The following CES5A variants were observed in gnomAD, a reference collection of about 807,000 sequenced individuals.
CES5A encodes the protein carboxylesterase 5A, also known as carboxylesterase 5.
CES5A carries 67 observed loss-of-function variants against 62.9 expected under a neutral mutation model. The ratio of observed to expected loss-of-function variants is 1.07; its 90% CI spans 0.88 to 1.31. CES5A has a LOEUF of 1.31. Ranked by LOEUF, CES5A falls within the 50% of genes most tolerant of loss-of-function variation. The pLI is 0.00. For missense variants in CES5A, 748 were observed against 708.5 expected (o/e 1.06, Z -0.63); for synonymous variants, 296 against 280.8 (o/e 1.05, Z -0.54).
At chr16:55,876,799 T>C (rs1258339452), upstream of CES5A, among the ~76,000 whole-genome samples, 1 of 152,164 alleles carries the variant, frequency 6.6e-6, no homozygotes, top group African/African-American at 2.4e-5. Flanking sequence ...TTGAAATTGA[T>C]CCAGACATCA....
intron 1 of CES5A, among the ~76,000 whole-genome samples, chr16:55,881,076 A>G (rs901990672): frequency 3.3e-5 from 5 of 152,308 alleles, no homozygotes; most frequent in African/African-American, 1.2e-4. Context: ...TTTGAGAACT[A>G]TGAATACCTG....
intron 1 of CES5A, among the ~76,000 whole-genome samples, chr16:55,920,161 C>A (rs1229123544): frequency 2.6e-5 from 4 of 152,174 alleles, no homozygotes; most frequent in African/African-American, 4.8e-5. Context: ...TCCGAGAAGG[C>A]AGTAAAAGAA....
intron 1 of CES5A, among the ~76,000 whole-genome samples, 191 bp downstream of exon 1, chr16:55,874,958 C>T (rs72810510): frequency 0.011 from 1,690 of 152,302 alleles, 16 homozygotes; most frequent in Middle Eastern, 0.024. Context: ...ATCTTCTGTG[C>T]GCTACCCACT....
chr16:55,859,598 A>G lies in CES5A; in HGVS notation c.1005T>C (p.Ile335=). 6.2e-7 allele frequency: 1 copy of G among 1,613,910 alleles called. No homozygotes were observed. The highest frequency in any genetic ancestry group is 1.1e-5 in the South Asian group (1 of 90,994). Residue 335 remains isoleucine, a synonymous_variant, in exon 8 of 13, where the codon ATT becomes ATC. Coordinates refer to ENST00000290567, the MANE Select transcript of CES5A (RefSeq NM_001143685.2). ...GGTTATTGACTCCGATGATGGAAGG[A>G]ATTGCTTTAAATGCTTTCTGAGACA... ...DLLSQKAFKA[I]PSIIGVNNHE...
At chr16:55,863,530 C>A in intron 5 of CES5A, 78 bp from the exon 6 acceptor site, 1 of 810,800 alleles carries the variant, frequency 1.2e-6, no homozygotes, top group Non-Finnish European at 2.2e-6. Flanking sequence ...TTCAAAGAAA[C>A]CTTCCCAGGA....
At chr16:55,949,753 C>T (rs1256976751) in intron 2 of CES5A, 1 of 1,176,214 alleles carries the variant, frequency 8.5e-7, no homozygotes, top group East Asian at 2.7e-5. Context: ...GGGGCAGACC[C>T]AACCCTGGTA....
chr16:55,846,782 G>T lies in CES5A; in HGVS notation c.1482C>A (p.Thr494=), dbSNP rs1406964245. 1 of 1,614,140 alleles carries T rather than the reference G, an allele frequency of 6.2e-7. No homozygotes were observed. Among genetic ancestry groups the T allele is most frequent in the South Asian group, 1.1e-5 (1 of 91,078 alleles). Residue 494 remains threonine, a synonymous_variant, in exon 12 of 13, where the codon ACC becomes ACA. Coordinates refer to ENST00000290567, the MANE Select transcript of CES5A (RefSeq NM_001143685.2). ...LSRKMMKYWA[T]FARTGNPNGN... The stretch of plus-strand genomic sequence containing the variant: ...GGTTTACTTACCCGGTTCGAGCAAA[G>T]GTAGCCCAGTATTTCATCATCTTCC...
chr16:55,870,878 A>G (rs1217691090), intron 3 of CES5A, among the ~76,000 whole-genome samples: 1 of 152,212 alleles, frequency 6.6e-6, no homozygotes, highest in Non-Finnish European at 1.5e-5. Flanking sequence ...AAAGCCACTG[A>G]GGAAAGGGGA....
intron 1 of CES5A, chr16:55,925,246 G>A (rs1413161240): frequency 6.6e-6 from 1 of 151,842 alleles, no homozygotes; most frequent in Non-Finnish European, 1.5e-5. Flanking sequence ...TGGCCAACAA[G>A]TATATGAAAA....
At chr16:55,874,121 G>T in intron 1 of CES5A, 84 bp from the exon 2 acceptor site, 1 of 1,231,032 alleles carries the variant, frequency 8.1e-7, no homozygotes, top group Admixed American at 2.1e-5. Context: ...CCCCAGTGGG[G>T]ATGTGCTTCC....
intron 1 of CES5A, among the ~76,000 whole-genome samples, chr16:55,908,428 T>G (rs530972193): frequency 6.6e-6 from 1 of 152,292 alleles, no homozygotes; most frequent in Admixed American, 6.5e-5. Flanking sequence ...GGTTGCAATC[T>G]TGGCTCACCG....
intron 1 of CES5A, among the ~76,000 whole-genome samples, chr16:55,905,848 CA>C (rs1187595110): frequency 6.6e-5 from 10 of 152,096 alleles, no homozygotes; most frequent in Non-Finnish European, 8.8e-5. Flanking sequence ...ACAAAGAATA[CA>C]ATGATTAATT....
chr16:55,876,566 T>C (rs1418486193), upstream of CES5A, among the ~76,000 whole-genome samples: 1 of 152,014 alleles, frequency 6.6e-6, no homozygotes, highest in African/African-American at 2.4e-5. Flanking sequence ...TAGACATAGG[T>C]CCTAAAGGGA....
intron 1 of CES5A, among the ~76,000 whole-genome samples, chr16:55,915,170 G>A (rs1380373189): frequency 2.0e-5 from 3 of 151,958 alleles, no homozygotes; most frequent in Non-Finnish European, 2.9e-5. Flanking sequence ...ACCAGGTACC[G>A]GGAGAGCATT....
intron 1 of CES5A, among the ~76,000 whole-genome samples, chr16:55,912,411 G>A (rs974892529): frequency 1.3e-5 from 2 of 152,174 alleles, no homozygotes; most frequent in Non-Finnish European, 2.9e-5. Flanking sequence ...CTGCTAGGGT[G>A]GAAGGGAGCA....
At chr16:55,910,351 C>T (rs183477993) in intron 1 of CES5A, among the ~76,000 whole-genome samples, 30 of 152,318 alleles carry the variant, frequency 2.0e-4, no homozygotes, top group African/African-American at 7.2e-4. Context: ...TTCACCCCAG[C>T]TCTCCCAGTC....
chr16:55,868,134 C>A (rs1274531557), intron 4 of CES5A, among the ~76,000 whole-genome samples: 1 of 152,214 alleles, frequency 6.6e-6, no homozygotes, highest in Non-Finnish European at 1.5e-5. Flanking sequence ...CCGCATCCAT[C>A]TCCTGCTGTA....
chr16:55,941,679 T>A (rs961271018), intron 2 of CES5A, among the ~76,000 whole-genome samples: 2 of 152,044 alleles, frequency 1.3e-5, no homozygotes, highest in African/African-American at 4.8e-5. Context: ...AAAAAGGAAT[T>A]ACAAAGTTGG....
At chr16:55,897,475 G>T (rs1292031895) in intron 1 of CES5A, among the ~76,000 whole-genome samples, 1 of 152,144 alleles carries the variant, frequency 6.6e-6, no homozygotes, top group African/African-American at 2.4e-5. Context: ...GGAATACTTG[G>T]CCTTTCTTGT....
Sources: gnomAD v4.1 joint callset for allele counts (sites outside exome capture counted in the v4.1 genomes callset) on GRCh38, gnomAD v4.1.1 for gene constraint, MANE v1.5 for transcripts, NCBI Gene and HGNC (gene_info 2026-07-23, HGNC 2026-07-21) for gene names.